The following PCDHGA3 variants were observed in gnomAD, a reference collection of about 807,000 sequenced individuals.
PCDHGA3 encodes protocadherin gamma-A3.
Under a neutral mutation model 58.5 loss-of-function variants are expected in PCDHGA3, and 40 were observed. The ratio of observed to expected loss-of-function variants is 0.68; its 90% CI spans 0.53 to 0.89. The LOEUF is 0.89. Ranked by LOEUF, PCDHGA3 falls within the 40% of genes least tolerant of loss-of-function variation. PCDHGA3 has a pLI of 0.00. For missense variants in PCDHGA3, 1,223 were observed against 1,195.9 expected (o/e 1.02, Z -0.33); for synonymous variants, 530 against 525.7 (o/e 1.01, Z -0.11).
At chr5:141,455,270 A>T (rs2098818132) in intron 1 of PCDHGA3, among the ~76,000 whole-genome samples, 1 of 151,958 alleles carries the variant, frequency 6.6e-6, no homozygotes, top group South Asian at 2.1e-4. Context: ...CTTCCCATTG[A>T]TTATTAACAT....
intron 1 of PCDHGA3, among the ~76,000 whole-genome samples, chr5:141,467,421 G>T (rs957302311): frequency 6.6e-6 from 1 of 152,100 alleles, no homozygotes; most frequent in African/African-American, 2.4e-5. Flanking sequence ...CCACACCTAG[G>T]TTATAGAAAC....
Position 141,432,484 on chromosome 5 carries a change from G to A in PCDHGA3, c.2425-62323G>A, listed in dbSNP as rs1164877592. On this transcript the variant is annotated intron_variant, in intron 1 of 3. Transcript: ENST00000253812. The surrounding 1 kb of genome is among the most constrained non-coding windows in gnomAD (Gnocchi z 6.0). ...TCCCCACGGACGGTTCCACTGGCGTGGAGCTGGCTCCCCGCTCCGCAGAGC... is the reference window on the plus strand; with the variant it reads ...TCCCCACGGACGGTTCCACTGGCGTAGAGCTGGCTCCCCGCTCCGCAGAGC... 8.7e-6 allele frequency: 14 copies of A among 1,614,196 alleles called. No individual in the cohort carries two copies. Among genetic ancestry groups the A allele is most frequent in the Non-Finnish European group, 1.2e-5 (14 of 1,180,046 alleles).
chr5:141,432,305 G>T lies in PCDHGA3; in HGVS notation c.2425-62502G>T. 1 of 1,614,254 alleles carries T rather than the reference G, an allele frequency of 6.2e-7. No individual in the cohort carries two copies. Among genetic ancestry groups the T allele is most frequent in the African/African-American group, 1.3e-5 (1 of 75,072 alleles). ...CAACTCCGACACTGGGGTACTGTAT[G>T]CGCTGAGCTCCTTCGACTACGAGCA... On this transcript the variant is annotated intron_variant, in intron 1 of 3. Transcript: ENST00000253812. This position sits in a 1 kb window ranked among gnomAD's most constrained non-coding sequence, Gnocchi z 6.0.
intron 1 of PCDHGA3, chr5:141,399,419 G>T (rs778389329): frequency 6.2e-7 from 1 of 1,614,000 alleles, no homozygotes; most frequent in Admixed American, 1.7e-5. Context: ...CTCTCCTCCA[G>T]CATAAGCGTC....
chr5:141,400,858 G>A (rs1332975731), intron 1 of PCDHGA3, among the ~76,000 whole-genome samples: 1 of 152,108 alleles, frequency 6.6e-6, no homozygotes, highest in Non-Finnish European at 1.5e-5. Context: ...TTTATTGTAT[G>A]TAGATAAACC....
chr5:141,345,001 A>G lies in PCDHGA3; in HGVS notation c.968A>G (p.Asp323Gly), dbSNP rs1757502442. 2 of 1,613,904 alleles carry G rather than the reference A, an allele frequency of 1.2e-6. No individual in the cohort carries two copies. The highest frequency in any genetic ancestry group is 2.7e-5 in the African/African-American group (2 of 74,912). ...TATGAAATTAAAATTGAAGCACAGG[A>G]TGGACCAGGTCTTCTTTCAAGAGCC... ...MFYEIKIEAQ[D>G]GPGLLSRAKI... Residue 323 changes from aspartate (D) to glycine (G), a missense_variant, in exon 1 of 4, where the codon GAT becomes GGT. Asp to Gly is a moderately conservative substitution (Grantham distance 94). Coordinates refer to ENST00000253812, the MANE Select transcript of PCDHGA3 (RefSeq NM_018916.4).
At chr5:141,478,711 T>G (rs1420376406) in intron 1 of PCDHGA3, 1 of 1,547,346 alleles carries the variant, frequency 6.5e-7, no homozygotes. Context: ...CTTTGTGAGA[T>G]GGTGGCCTGC....
At chr5:141,502,708 A>G (rs1172090234) in intron 2 of PCDHGA3, among the ~76,000 whole-genome samples, 1 of 152,204 alleles carries the variant, frequency 6.6e-6, no homozygotes, top group Non-Finnish European at 1.5e-5. Flanking sequence ...CTGTTTTTAC[A>G]TCAGTGATTA....
At position 141,432,880 on chromosome 5, in the gene PCDHGA3, C is replaced by A. The variant is rs865848752; in HGVS notation, c.2425-61927C>A. 3 of 1,614,194 alleles carry A rather than the reference C, an allele frequency of 1.9e-6. No homozygotes were observed. The highest frequency in any genetic ancestry group is 2.5e-6 in the Non-Finnish European group (3 of 1,180,008). ...CGGTCTCCTGCGTCTTCCTGGCCTT[C>A]GTCATCTTGCTGCTGGCGCTCAGGC... On this transcript the variant is annotated intron_variant, in intron 1 of 3. Coordinates refer to ENST00000253812, the MANE Select transcript of PCDHGA3 (RefSeq NM_018916.4). The surrounding 1 kb of genome is among the most constrained non-coding windows in gnomAD (Gnocchi z 6.0).
At chr5:141,356,062 A>C in intron 1 of PCDHGA3, 1 of 1,613,922 alleles carries the variant, frequency 6.2e-7, no homozygotes, top group Non-Finnish European at 8.5e-7. Flanking sequence ...AAGAGACAAA[A>C]TATCACAGCT....
intron 1 of PCDHGA3, among the ~76,000 whole-genome samples, chr5:141,481,105 T>C (rs1357970765): frequency 6.6e-6 from 1 of 152,188 alleles, no homozygotes; most frequent in Non-Finnish European, 1.5e-5. Flanking sequence ...CTCTGGAACC[T>C]ACCAATCCAT....
chr5:141,403,353 A>T lies in PCDHGA3; in HGVS notation c.2424+56896A>T, dbSNP rs1335542003. The T allele has an allele frequency of 2.5e-6, 4 of 1,613,932 alleles. No individual in the cohort carries two copies. In the East Asian group the frequency reaches 6.7e-5, roughly 27 times the overall value. ...ATTAACGACAGCGCCCCAAAGTTCC[A>T]GGCCGAAAGTCTGGAAGTAAAAATT... On this transcript the variant is annotated intron_variant, in intron 1 of 3. Coordinates refer to ENST00000253812, the MANE Select transcript of PCDHGA3 (RefSeq NM_018916.4).
chr5:141,352,325 G>T, intron 1 of PCDHGA3: 13 of 1,614,080 alleles, frequency 8.1e-6, no homozygotes, highest in Non-Finnish European at 1.1e-5. Context: ...GTTTTACCTG[G>T]TTGTGGCCTT....
At chr5:141,417,851 G>A (rs1196210157) in intron 1 of PCDHGA3, 1 of 1,543,512 alleles carries the variant, frequency 6.5e-7, no homozygotes, top group Non-Finnish European at 8.8e-7. Flanking sequence ...GCGAGAACCC[G>A]AGCGAACGAT....
intron 1 of PCDHGA3, chr5:141,371,345 T>C (rs1417902000): frequency 1.2e-6 from 2 of 1,613,878 alleles, no homozygotes; most frequent in Admixed American, 1.7e-5. Flanking sequence ...GCTACACAAT[T>C]GGGGTGGAAG....
chr5:141,393,261 G>A lies in PCDHGA3; in HGVS notation c.2424+46804G>A, dbSNP rs567943150. 16 of 1,613,898 alleles carry A rather than the reference G, an allele frequency of 9.9e-6. 1 individual carries two copies. Among genetic ancestry groups the A allele is most frequent in the South Asian group, 1.1e-5 (1 of 91,090 alleles). ...AATTAACGAAATCGCGGTTCCTGGAGCACGTTATCCACTCCCAGAAGCTGT... is the reference window on the plus strand; with the variant it reads ...AATTAACGAAATCGCGGTTCCTGGAACACGTTATCCACTCCCAGAAGCTGT... On this transcript the variant is annotated intron_variant, in intron 1 of 3. Transcript: ENST00000253812.
Position 141,376,431 on chromosome 5 carries a change from A to T in PCDHGA3, c.2424+29974A>T, listed in dbSNP as rs372723180. On this transcript the variant is annotated intron_variant, in intron 1 of 3. Coordinates refer to ENST00000253812, the MANE Select transcript of PCDHGA3 (RefSeq NM_018916.4). ...TATGCCGACACGCTTATCAACCAGG[A>T]GAGCTATGAGAAAAGCGAGCCTCTT... The T allele has an allele frequency of 9.0e-5, 145 of 1,614,074 alleles. No homozygotes were observed. The highest frequency in any genetic ancestry group is 1.2e-4 in the Non-Finnish European group (143 of 1,180,046).
At chr5:141,372,003 C>T (rs552358423) in intron 1 of PCDHGA3, 1 of 1,613,296 alleles carries the variant, frequency 6.2e-7, no homozygotes, top group African/African-American at 1.3e-5. Flanking sequence ...GGCCCGCGAC[C>T]AGGGCTCGCC....
intron 1 of PCDHGA3, chr5:141,351,950 G>T (rs1343539435): frequency 1.9e-6 from 3 of 1,613,000 alleles, no homozygotes; most frequent in Admixed American, 3.3e-5. Context: ...CCCCGCGCTG[G>T]GGCCTGATGG....
Sources: allele counts gnomAD v4.1 joint callset (sites outside exome capture counted in the v4.1 genomes callset), GRCh38; gene constraint gnomAD v4.1.1; non-coding constraint Gnocchi (gnomAD v3.1); transcripts MANE v1.5; gene names NCBI Gene and HGNC (gene_info 2026-07-23, HGNC 2026-07-21).